Variants in GBE1 observed in about 807,000 individuals in gnomAD.
GBE1 encodes the protein 1,4-alpha-glucan-branching enzyme.
In GBE1, 70 loss-of-function variants were observed where a neutral mutation model predicts 88.8. That is an observed-to-expected ratio of 0.79 (90% CI 0.65 to 0.96). The LOEUF (loss-of-function observed/expected upper bound fraction) is 0.96. GBE1 is among the 40% of genes least tolerant of loss of function. The pLI is 0.00. For missense variants in GBE1, 872 were observed against 871.0 expected, an observed-to-expected ratio of 1.00 and a Z score of -0.01; for synonymous variants, 284 against 300.1, an observed-to-expected ratio of 0.95 and a Z score of 0.56.
chr3:81,761,095 A>C (rs1029180242), intron 1 of GBE1, among the ~76,000 whole-genome samples: 4 of 152,254 alleles, frequency 2.6e-5, no homozygotes, highest in African/African-American at 4.8e-5. Flanking sequence ...GAGCCACAGC[A>C]CGTACCCTAT....
intron 2 of GBE1, among the ~76,000 whole-genome samples, chr3:81,704,882 T>G (rs1261533506): frequency 1.3e-5 from 2 of 152,126 alleles, no homozygotes; most frequent in Non-Finnish European, 1.5e-5. Context: ...GCGTTAACTC[T>G]GTCTAGTGGA....
intron 2 of GBE1, among the ~76,000 whole-genome samples, chr3:81,678,868 A>T (rs1243810515): frequency 6.6e-6 from 1 of 152,130 alleles, no homozygotes. Context: ...AGGCAATCTG[A>T]CTCTAGACTG....
At chr3:81,681,566 T>A (rs1210494102) in intron 2 of GBE1, among the ~76,000 whole-genome samples, 4 of 152,212 alleles carry the variant, frequency 2.6e-5, no homozygotes, top group African/African-American at 9.6e-5. Context: ...TATGAAAATA[T>A]ACCAATAAAG....
chr3:81,752,546 T>C (rs1163656592), intron 1 of GBE1, among the ~76,000 whole-genome samples: 1 of 152,190 alleles, frequency 6.6e-6, no homozygotes, highest in Non-Finnish European at 1.5e-5. Flanking sequence ...CAGGCTAGCA[T>C]TTACCTCTCT....
chr3:81,580,082 A>G (rs1703701806), intron 11 of GBE1, among the ~76,000 whole-genome samples: 1 of 152,168 alleles, frequency 6.6e-6, no homozygotes, highest in South Asian at 2.1e-4. Flanking sequence ...TTAAATGGCC[A>G]ATTTCTGCAA....
At chr3:81,677,759 A>G (rs1408607623) in intron 2 of GBE1, among the ~76,000 whole-genome samples, 1 of 152,048 alleles carries the variant, frequency 6.6e-6, no homozygotes, top group African/African-American at 2.4e-5. Flanking sequence ...CCCTTCTTCA[A>G]CTTCTACTGG....
intron 7 of GBE1, among the ~76,000 whole-genome samples, chr3:81,609,652 T>C (rs1228046879): frequency 6.6e-6 from 1 of 152,198 alleles, no homozygotes; most frequent in East Asian, 1.9e-4. Context: ...AAGCTTTGGA[T>C]GTTGTCACAA....
chr3:81,613,148 C>A, intron 7 of GBE1: 2 of 226,950 alleles, frequency 8.8e-6, no homozygotes, highest in Non-Finnish European at 1.6e-5. Flanking sequence ...AAGCTGCAGT[C>A]TTTTTTTTTT....
intron 3 of GBE1, among the ~76,000 whole-genome samples, chr3:81,656,009 A>G (rs1048067911): frequency 2.0e-5 from 3 of 152,140 alleles, no homozygotes; most frequent in Non-Finnish European, 2.9e-5. Flanking sequence ...TTAAAACAGG[A>G]CCTATTTGTA....
chr3:81,573,871 C>A (rs936365565), intron 12 of GBE1, among the ~76,000 whole-genome samples: 1 of 151,852 alleles, frequency 6.6e-6, no homozygotes, highest in African/African-American at 2.4e-5. Flanking sequence ...TATATACACA[C>A]ATAATTATAT....
At chr3:81,743,737 T>G (rs1706383222) in intron 1 of GBE1, 2 of 654,736 alleles carry the variant, frequency 3.1e-6, no homozygotes, top group African/African-American at 3.7e-5. Flanking sequence ...TGTTTTTGTT[T>G]TGTGTTGTTT....
chr3:81,514,290 T>C (rs1029481466), intron 14 of GBE1, among the ~76,000 whole-genome samples: 1 of 151,620 alleles, frequency 6.6e-6, no homozygotes, highest in African/African-American at 2.4e-5. Context: ...TTAATTAATG[T>C]TCTTGAAATA....
In GBE1 at chr3:81,542,011, CTG is replaced by C. The variant is rs1468410705; in HGVS notation, c.1619-4918_1619-4917del. 2.0e-5 allele frequency among the ~76,000 whole-genome samples: 3 copies of C among 151,968 alleles called. No individual in the cohort carries two copies. The East Asian group carries it at 5.8e-4, about 29-fold the overall frequency. The stretch of plus-strand genomic sequence containing the variant: ...ACACACACAGATGTTACAAAATAAT[CTG>C]TTTTTCTTTTGATAAACATTGTATT... On this transcript the variant is annotated intron_variant, in intron 12 of 15. Transcript: ENST00000429644.
At chr3:81,580,998 A>G (rs985836058) in intron 11 of GBE1, among the ~76,000 whole-genome samples, 167 bp downstream of exon 11, 6 of 151,968 alleles carry the variant, frequency 3.9e-5, no homozygotes, top group African/African-American at 1.4e-4. Context: ...CAATATACGT[A>G]GTTTTCCTGT....
intron 7 of GBE1, among the ~76,000 whole-genome samples, chr3:81,618,690 T>C (rs954163183): frequency 6.6e-6 from 1 of 152,156 alleles, no homozygotes; most frequent in African/African-American, 2.4e-5. Context: ...ATGCATATCC[T>C]ATCCTGAATC....
intron 12 of GBE1, among the ~76,000 whole-genome samples, chr3:81,574,678 T>C (rs1420129897): frequency 1.3e-5 from 2 of 152,180 alleles, no homozygotes; most frequent in African/African-American, 4.8e-5. Flanking sequence ...ATTTTCTGGT[T>C]GTGCAAACTG....
chr3:81,585,963 GACTAATGAA>G (rs2106944948), intron 10 of GBE1, 120 bp downstream of exon 10: 1 of 553,090 alleles, frequency 1.8e-6, no homozygotes, highest in East Asian at 3.3e-5. Flanking sequence ...AGAATCGACA[GACTAATGAA>G]AGAATTTAAT....
intron 7 of GBE1, among the ~76,000 whole-genome samples, chr3:81,620,886 T>C (rs1467190461): frequency 6.6e-6 from 1 of 152,070 alleles, no homozygotes; most frequent in African/African-American, 2.4e-5. Flanking sequence ...AGATAGTCCA[T>C]AAAGCAGAGG....
chr3:81,535,698 C>T (rs1252919683), intron 13 of GBE1, among the ~76,000 whole-genome samples: 1 of 151,990 alleles, frequency 6.6e-6, no homozygotes, highest in African/African-American at 2.4e-5. Flanking sequence ...CAGCTTAATG[C>T]GGTTAGGTAC....
Sources: gnomAD v4.1 joint callset for allele counts (sites outside exome capture counted in the v4.1 genomes callset) on GRCh38, gnomAD v4.1.1 for gene constraint, MANE v1.5 for transcripts, NCBI Gene and HGNC (gene_info 2026-07-23, HGNC 2026-07-21) for gene names.